ATG5: variants seen among roughly 807,000 people sequenced by gnomAD.
The protein encoded by ATG5 is autophagy protein 5.
In ATG5, 14 loss-of-function variants were observed where a neutral mutation model predicts 36.5. The observed-to-expected ratio is 0.38, with a 90% CI of 0.25 to 0.60. ATG5 has a LOEUF of 0.60. Ranked by LOEUF, ATG5 falls within the 20% of genes least tolerant of loss-of-function variation. ATG5 has a pLI of 0.60. For missense variants in ATG5, 195 were observed against 326.7 expected, an observed-to-expected ratio of 0.60 and a Z score of 3.11; for synonymous variants, 95 against 101.5, an observed-to-expected ratio of 0.94 and a Z score of 0.38.
At chr6:106,236,896 A>C (rs1711516700) in intron 6 of ATG5, among the ~76,000 whole-genome samples, 1 of 152,202 alleles carries the variant, frequency 6.6e-6, no homozygotes, top group Non-Finnish European at 1.5e-5. Flanking sequence ...CCAAAGCATG[A>C]ACTCAATAAA....
At chr6:106,266,536 G>C (rs1000429977) in intron 5 of ATG5, among the ~76,000 whole-genome samples, 2 of 152,154 alleles carry the variant, frequency 1.3e-5, no homozygotes, top group African/African-American at 4.8e-5. Context: ...AAACCTGGCA[G>C]AGACACAACA....
intron 3 of ATG5, among the ~76,000 whole-genome samples, chr6:106,294,877 G>A (rs1042898673): frequency 2.1e-5 from 3 of 142,878 alleles, no homozygotes; most frequent in Non-Finnish European, 1.5e-5. Context: ...TAGGATGAAC[G>A]CCCGGTCGGT....
intron 7 of ATG5, among the ~76,000 whole-genome samples, chr6:106,188,385 AAAG>A (rs1325218054): frequency 1.3e-5 from 2 of 152,234 alleles, no homozygotes; most frequent in South Asian, 2.1e-4. Flanking sequence ...TCAAAAAATG[AAAG>A]AATAGTGGTG....
At chr6:106,216,352 T>A (rs567329274) in intron 6 of ATG5, among the ~76,000 whole-genome samples, 21 of 152,236 alleles carry the variant, frequency 1.4e-4, no homozygotes, top group Non-Finnish European at 1.6e-4. Flanking sequence ...ACAATCCACA[T>A]GTCTATCAAT....
intron 2 of ATG5, among the ~76,000 whole-genome samples, chr6:106,315,344 C>T (rs1008854503): frequency 4.6e-5 from 7 of 152,076 alleles, no homozygotes; most frequent in East Asian, 1.9e-4. Flanking sequence ...AAAACAGTAA[C>T]GACAATTGAG....
chr6:106,296,963 C>T (rs1338507497), intron 3 of ATG5, among the ~76,000 whole-genome samples: 1 of 152,128 alleles, frequency 6.6e-6, no homozygotes, highest in Non-Finnish European at 1.5e-5. Context: ...AATTATTAGA[C>T]AAATCAGGAC....
intron 6 of ATG5, among the ~76,000 whole-genome samples, chr6:106,231,040 C>G (rs1307121659): frequency 1.3e-5 from 2 of 152,080 alleles, no homozygotes. Flanking sequence ...CCCCTTCAAC[C>G]CAAACGGTCC....
chr6:106,309,957 T>C (rs1426922278), intron 2 of ATG5, among the ~76,000 whole-genome samples: 6 of 152,158 alleles, frequency 3.9e-5, no homozygotes, highest in African/African-American at 1.2e-4. Flanking sequence ...CTAATGGGTA[T>C]GGATATATCA....
At chr6:106,210,698 T>C (rs767530012) in intron 6 of ATG5, among the ~76,000 whole-genome samples, 32 of 152,362 alleles carry the variant, frequency 2.1e-4, no homozygotes, top group Non-Finnish European at 4.1e-4. Context: ...AGTACCTATA[T>C]GACCCTAGTC....
chr6:106,317,281 T>A (rs984995918), intron 1 of ATG5, among the ~76,000 whole-genome samples: 1 of 152,222 alleles, frequency 6.6e-6, no homozygotes, highest in African/African-American at 2.4e-5. Context: ...ATATTTCTCA[T>A]CTTTGATAGG....
chr6:106,260,450 C>T (rs1778975544), intron 5 of ATG5, among the ~76,000 whole-genome samples: 1 of 152,184 alleles, frequency 6.6e-6, no homozygotes, highest in African/African-American at 2.4e-5. Context: ...TAAGCATAGT[C>T]TGGATACTAA....
chr6:106,207,047 A>T (rs1245760071), intron 6 of ATG5, among the ~76,000 whole-genome samples: 2 of 152,364 alleles, frequency 1.3e-5, no homozygotes, highest in African/African-American at 2.4e-5. Flanking sequence ...ATATTTGTAA[A>T]TATGCAAAGT....
chr6:106,271,238 C>A (rs1232993038), intron 5 of ATG5, among the ~76,000 whole-genome samples: 1 of 152,232 alleles, frequency 6.6e-6, no homozygotes, highest in African/African-American at 2.4e-5. Context: ...CTTCTTTTGA[C>A]TTCTCAAAAC....
intron 6 of ATG5, among the ~76,000 whole-genome samples, chr6:106,220,191 G>C (rs1177516483): frequency 1.3e-5 from 2 of 152,104 alleles, no homozygotes; most frequent in Non-Finnish European, 2.9e-5. Flanking sequence ...ATCTGCAAAA[G>C]AAGCAACTTG....
chr6:106,323,535 G>A (rs923207379), intron 1 of ATG5, among the ~76,000 whole-genome samples: 7 of 151,982 alleles, frequency 4.6e-5, no homozygotes, highest in African/African-American at 7.2e-5. Context: ...CATCACGCCC[G>A]GCCAAGTTAT....
intron 3 of ATG5, among the ~76,000 whole-genome samples, chr6:106,294,637 C>A (rs1780458599): frequency 6.6e-6 from 1 of 150,716 alleles, no homozygotes; most frequent in African/African-American, 2.4e-5. Context: ...AGTTCCAGTA[C>A]CTGAGACTGA....
chr6:106,296,452 A>C (rs1041503201), intron 3 of ATG5, among the ~76,000 whole-genome samples: 1 of 152,252 alleles, frequency 6.6e-6, no homozygotes, highest in Non-Finnish European at 1.5e-5. Flanking sequence ...GAAGGATGAT[A>C]GAAGAATGTA....
rs181678203 is a variant in ATG5 at position 106,262,491 on chromosome 6, G to A, written c.479-14247C>T. 5.0e-3 allele frequency among the ~76,000 whole-genome samples: 757 copies of A among 152,242 alleles called. 3 individuals are homozygous for A. The highest frequency in any genetic ancestry group is 7.7e-3 in the Non-Finnish European group (526 of 68,018). On this transcript the variant is annotated intron_variant, in intron 5 of 7. Coordinates refer to ENST00000369076, the MANE Select transcript of ATG5 (RefSeq NM_004849.4). ...AAACAAAAAAGGATTAGAAAAGTAAGTACATCTAAAGTTTTCCATTCTCTT... is the reference window on the plus strand; with the variant it reads ...AAACAAAAAAGGATTAGAAAAGTAAATACATCTAAAGTTTTCCATTCTCTT...
chr6:106,201,943 A>G (rs771397849), intron 7 of ATG5, 29 bp downstream of exon 7: 2 of 1,496,060 alleles, frequency 1.3e-6, no homozygotes, highest in South Asian at 2.5e-5. Context: ...AAAATGAAAG[A>G]AATGTTTTAA....
Sources: gnomAD v4.1 joint callset for allele counts (sites outside exome capture counted in the v4.1 genomes callset) on GRCh38, gnomAD v4.1.1 for gene constraint, MANE v1.5 for transcripts, NCBI Gene and HGNC (gene_info 2026-07-23, HGNC 2026-07-21) for gene names.